LIN54: variants seen among roughly 807,000 people sequenced by gnomAD.
The protein encoded by LIN54 is protein lin-54 homolog.
LIN54 carries 9 observed loss-of-function variants against 78.7 expected under a neutral mutation model. That is an observed-to-expected ratio of 0.11 (90% CI 0.07 to 0.20). The LOEUF (loss-of-function observed/expected upper bound fraction) is 0.20. Ranked by LOEUF, LIN54 falls within the 10% of genes least tolerant of loss-of-function variation. LIN54 has a pLI of 1.00. For missense variants in LIN54, 573 were observed against 889.9 expected (o/e 0.64, Z 4.53); for synonymous variants, 269 against 318.4 (o/e 0.84, Z 1.65).
chr4:83,009,391 C>T (rs1006237147), intron 1 of LIN54, among the ~76,000 whole-genome samples: 5 of 152,186 alleles, frequency 3.3e-5, no homozygotes, highest in Non-Finnish European at 5.9e-5. Context: ...ACTAATCCTT[C>T]TGTTCATTAT....
chr4:82,990,703 T>C (rs1382605194), intron 1 of LIN54, among the ~76,000 whole-genome samples: 1 of 152,018 alleles, frequency 6.6e-6, no homozygotes, highest in Non-Finnish European at 1.5e-5. Flanking sequence ...CAGGATGGTC[T>C]CGATCTCCTG....
At chr4:82,932,831 AAT>A (rs1553946030) in intron 11 of LIN54, among the ~76,000 whole-genome samples, 2 of 151,206 alleles carry the variant, frequency 1.3e-5, no homozygotes, top group African/African-American at 2.4e-5. Context: ...ATCTCAAAAA[AAT>A]ATATATATAT....
At chr4:82,946,554 G>T in intron 4 of LIN54, 80 bp from the exon 5 acceptor site, 1 of 1,125,612 alleles carries the variant, frequency 8.9e-7, no homozygotes, top group Non-Finnish European at 1.3e-6. Flanking sequence ...CATTGCTCAA[G>T]TTGTAAAGTA....
upstream of LIN54, chr4:83,010,960 G>A (rs1005234011): frequency 2.6e-5 from 18 of 693,284 alleles, no homozygotes; most frequent in Admixed American, 4.6e-4. Flanking sequence ...GGGCTACGCC[G>A]AGACCTTTCA....
At position 83,000,964 on chromosome 4, in the gene LIN54, C is replaced by T. The variant is rs185730514; in HGVS notation, c.-33+9520G>A. ...TCCCAAATAGCTGGGATCAAAGGCA[C>T]GCGCCACCACGCCCAGCTAATTTTT... On this transcript the variant is annotated intron_variant, in intron 1 of 12. Coordinates refer to ENST00000340417, the MANE Select transcript of LIN54 (RefSeq NM_194282.4). Among the ~76,000 whole-genome samples, 253 of 151,586 alleles carry T rather than the reference C, an allele frequency of 1.7e-3. 1 individual carries two copies. Among genetic ancestry groups the T allele is most frequent in the African/African-American group, 5.8e-3 (238 of 41,354 alleles).
chr4:82,974,588 T>C (rs1725992395), intron 3 of LIN54, among the ~76,000 whole-genome samples: 1 of 151,670 alleles, frequency 6.6e-6, no homozygotes, highest in African/African-American at 2.4e-5. Context: ...AATACAAAAA[T>C]TAGCCGGGCG....
chr4:82,944,822 T>G (rs1723226387), intron 5 of LIN54: 1 of 152,306 alleles, frequency 6.6e-6, no homozygotes, highest in South Asian at 2.1e-4. Flanking sequence ...TCAATCAAGC[T>G]AATTCACGAC....
At position 82,978,935 on chromosome 4, in the gene LIN54, A is replaced by T. The variant is rs1475408579; in HGVS notation, c.756T>A (p.Asn252Lys). The T allele has an allele frequency of 6.3e-7, 1 of 1,591,746 alleles. No individual in the cohort carries two copies. The highest frequency in any genetic ancestry group is 1.7e-5 in the Admixed American group (1 of 59,834). Reference sequence around the variant, plus strand: ...TTGTCTGTCCTGTAACTGCTTTACTATTAATTGGTTTTGCAAAGATCAGCT... The same window carrying T: ...TTGTCTGTCCTGTAACTGCTTTACTTTTAATTGGTTTTGCAAAGATCAGCT... ...ITKLIFAKPI[N>K]SKAVTGQTTQ... Residue 252 changes from asparagine (N) to lysine (K), a missense_variant, in exon 3 of 13, where the codon AAT becomes AAA. By Grantham distance (94) the Asn-to-Lys change is moderately conservative. Around this residue, in one of 6 missense-constraint regions of LIN54, gnomAD observed 199 missense variants for 260.9 expected, o/e 0.76. Transcript: ENST00000340417.
chr4:83,005,490 A>G (rs927290540), intron 1 of LIN54, among the ~76,000 whole-genome samples: 3 of 152,062 alleles, frequency 2.0e-5, no homozygotes, highest in African/African-American at 7.2e-5. Context: ...TTATCTGGGC[A>G]TGGTGGAGTG....
intron 4 of LIN54, among the ~76,000 whole-genome samples, chr4:82,963,457 T>C (rs556026451): frequency 1.6e-3 from 247 of 152,322 alleles, no homozygotes; most frequent in African/African-American, 5.6e-3. Flanking sequence ...GTTTTTCTTA[T>C]TTTCAATTGC....
intron 1 of LIN54, among the ~76,000 whole-genome samples, chr4:82,993,218 C>CTT (rs200555092): frequency 0.034 from 4,423 of 128,234 alleles, 254 homozygotes; most frequent in African/African-American, 0.094. Flanking sequence ...TTTCTAGAAT[C>CTT]TTTTTTTTTT....
upstream of LIN54, among the ~76,000 whole-genome samples, chr4:83,011,698 C>T (rs552394529): frequency 6.6e-6 from 1 of 151,854 alleles, no homozygotes; most frequent in African/African-American, 2.4e-5. Flanking sequence ...GTAAGAGTTA[C>T]CAGCTCTTGT....
At chr4:82,998,046 G>T (rs200231667) in intron 1 of LIN54, among the ~76,000 whole-genome samples, 3 of 136,370 alleles carry the variant, frequency 2.2e-5, no homozygotes, top group East Asian at 2.1e-4. Flanking sequence ...ATACACACAC[G>T]TATATATATA....
Position 83,010,029 on chromosome 4 carries a change from T to A in LIN54, c.-33+455A>T, listed in dbSNP as rs189909622. 7.2e-3 allele frequency among the ~76,000 whole-genome samples: 1,095 copies of A among 152,204 alleles called. 7 individuals carry two copies. The highest frequency in any genetic ancestry group is 9.8e-3 in the Non-Finnish European group (669 of 67,996). On this transcript the variant is annotated intron_variant, in intron 1 of 12. Coordinates refer to ENST00000340417, the MANE Select transcript of LIN54 (RefSeq NM_194282.4). Reference sequence around the variant, plus strand: ...TCTAAGGATAACAGAGCATTAAAAATTTTTTTTCTAATTCTTACAAAACTG... The same window carrying A: ...TCTAAGGATAACAGAGCATTAAAAAATTTTTTTCTAATTCTTACAAAACTG...
intron 5 of LIN54, among the ~76,000 whole-genome samples, chr4:82,943,355 C>T (rs1440628130): frequency 1.3e-5 from 2 of 151,962 alleles, no homozygotes; most frequent in Non-Finnish European, 2.9e-5. Context: ...ACCACTGTAC[C>T]AACGATTAAC....
upstream of LIN54, chr4:83,011,970 G>C (rs576311356): frequency 1.1e-6 from 1 of 945,148 alleles, no homozygotes; most frequent in East Asian, 1.2e-4. Flanking sequence ...GTTAGTGTAG[G>C]AAGAGTAAGG....
At chr4:82,994,732 G>A (rs573212679) in intron 1 of LIN54, among the ~76,000 whole-genome samples, 1 of 151,814 alleles carries the variant, frequency 6.6e-6, no homozygotes, top group Non-Finnish European at 1.5e-5. Context: ...GCTGAGGGTA[G>A]TATTCTATTT....
At chr4:82,967,213 A>G (rs1578565442) in intron 4 of LIN54, among the ~76,000 whole-genome samples, 1 of 151,088 alleles carries the variant, frequency 6.6e-6, no homozygotes. Context: ...TGACAGAGCA[A>G]GACTCCATCT....
Position 82,984,335 on chromosome 4 carries a change from C to A in LIN54, c.510G>T (p.Gln170His). 2 of 1,614,116 alleles carry A rather than the reference C, an allele frequency of 1.2e-6. No individual in the cohort carries two copies. The highest frequency in any genetic ancestry group is 1.7e-6 in the Non-Finnish European group (2 of 1,180,024). Residue 170 changes from glutamine (Q) to histidine (H), a missense_variant, in exon 2 of 13, where the codon CAG becomes CAT. Around this residue, in one of 6 missense-constraint regions of LIN54, gnomAD observed 183 missense variants for 228.4 expected, o/e 0.80. Transcript: ENST00000340417. ...GTAACTTAGCATCTCCTGACTGGGC[C>A]TGAGTTGTAACTTTCTGAGCCTGGG... The part of the protein sequence containing the change: ...QLPQAQKVTT[Q>H]AQSGDAKLPP...
Sources: gnomAD v4.1 joint callset for allele counts (sites outside exome capture counted in the v4.1 genomes callset) on GRCh38, gnomAD v4.1.1 for gene constraint, gnomAD v4.1.1 regional missense constraint, MANE v1.5 for transcripts, NCBI Gene and HGNC (gene_info 2026-07-23, HGNC 2026-07-21) for gene names.